SLIT3: variants seen among roughly 807,000 people sequenced by gnomAD.
SLIT3 encodes the protein slit homolog 3 protein.
A neutral mutation model predicts 184.0 loss-of-function variants in SLIT3; 68 were observed. The ratio of observed to expected loss-of-function variants is 0.37; its 90% confidence interval spans 0.30 to 0.45. The LOEUF (loss-of-function observed/expected upper bound fraction) is 0.45, where lower values mean the gene tolerates loss of function less well. SLIT3 is among the 20% of genes least tolerant of loss of function. SLIT3 has a pLI of 1.00. For missense variants in SLIT3, 1,707 were observed against 2,026.0 expected (o/e 0.84, Z 3.02); for synonymous variants, 831 against 828.6 (o/e 1.00, Z -0.05).
chr5:168,719,381 G>A (rs1459927842), intron 23 of SLIT3, among the ~76,000 whole-genome samples: 1 of 152,142 alleles, frequency 6.6e-6, no homozygotes, highest in Non-Finnish European at 1.5e-5. Context: ...GCCTTCATTT[G>A]TTATAGAAAT....
chr5:168,797,256 G>A (rs1235015267), intron 9 of SLIT3, among the ~76,000 whole-genome samples: 1 of 152,134 alleles, frequency 6.6e-6, no homozygotes, highest in African/African-American at 2.4e-5. Context: ...TGAGCATAGA[G>A]TTCAGCAGAG....
chr5:169,030,987 A>G (rs1008732506), intron 4 of SLIT3, among the ~76,000 whole-genome samples: 31 of 152,332 alleles, frequency 2.0e-4, no homozygotes, highest in African/African-American at 7.5e-4. Context: ...GGCTCAGGGT[A>G]TTCTACCACT....
chr5:168,789,248 T>TGTGGGGTGGGAGGGGGAC (rs1310503502), intron 11 of SLIT3, among the ~76,000 whole-genome samples: 1 of 5,524 alleles, frequency 1.8e-4, no homozygotes, highest in African/African-American at 7.6e-4. Context: ...TGCGGTGGCA[T>TGTGGGGTGGGAGGGGGAC]GTGGGGTGGG....
chr5:168,771,067 T>G (rs548734383), intron 14 of SLIT3, among the ~76,000 whole-genome samples: 2 of 152,302 alleles, frequency 1.3e-5, no homozygotes, highest in East Asian at 3.9e-4. Flanking sequence ...GGGTCAAGGT[T>G]GGCAGATAAT....
chr5:168,694,519 G>A (rs145092378), intron 28 of SLIT3, among the ~76,000 whole-genome samples: 4 of 152,320 alleles, frequency 2.6e-5, no homozygotes, highest in Non-Finnish European at 5.9e-5. Context: ...CTACAATTCC[G>A]CTCTCAGAAG....
chr5:169,023,852 G>A (rs1756701846), intron 4 of SLIT3: 1 of 152,134 alleles, frequency 6.6e-6, no homozygotes, highest in Admixed American at 6.5e-5. Flanking sequence ...CTGGTATTAT[G>A]AAGTCAGATG....
intron 1 of SLIT3, among the ~76,000 whole-genome samples, chr5:169,277,580 A>G (rs1766852953): frequency 6.6e-6 from 1 of 152,242 alleles, no homozygotes; most frequent in African/African-American, 2.4e-5. Flanking sequence ...TGCATGTATC[A>G]GAACTCCATT....
intron 4 of SLIT3, among the ~76,000 whole-genome samples, chr5:169,175,137 T>G (rs773148067): frequency 6.6e-6 from 1 of 152,148 alleles, no homozygotes; most frequent in Non-Finnish European, 1.5e-5. Flanking sequence ...GTCTTAGTCA[T>G]GGGAAGAAGG....
At chr5:168,751,591 C>T (rs865993705) in intron 18 of SLIT3, among the ~76,000 whole-genome samples, 2 of 152,196 alleles carry the variant, frequency 1.3e-5, no homozygotes, top group Non-Finnish European at 2.9e-5. Context: ...AAATTTGGCT[C>T]TAGAGTCTTA....
intron 4 of SLIT3, among the ~76,000 whole-genome samples, chr5:169,173,417 G>A (rs1053803710): frequency 1.3e-5 from 2 of 152,190 alleles, no homozygotes; most frequent in Non-Finnish European, 2.9e-5. Context: ...GTGAAAGCGG[G>A]AGGAGAAGGA....
At chr5:169,036,856 C>T (rs893645703) in intron 4 of SLIT3, among the ~76,000 whole-genome samples, 7 of 152,166 alleles carry the variant, frequency 4.6e-5, no homozygotes, top group African/African-American at 1.4e-4. Context: ...TCTTCCGGGA[C>T]CAGAGAGCAA....
At chr5:168,970,291 T>C (rs1754526136) in intron 4 of SLIT3, among the ~76,000 whole-genome samples, 1 of 149,716 alleles carries the variant, frequency 6.7e-6, no homozygotes, top group African/African-American at 2.5e-5. Context: ...AAGTCAGGAG[T>C]TCAAGACCAG....
chr5:168,678,458 C>T (rs544395547), intron 32 of SLIT3, among the ~76,000 whole-genome samples: 4 of 152,138 alleles, frequency 2.6e-5, no homozygotes, highest in East Asian at 1.9e-4. Flanking sequence ...CCGAGGCGGG[C>T]GGATCACAAG....
intron 4 of SLIT3, among the ~76,000 whole-genome samples, chr5:169,098,366 T>C (rs531222451): frequency 6.6e-6 from 1 of 152,322 alleles, no homozygotes; most frequent in Admixed American, 6.5e-5. Flanking sequence ...AGCACATTTT[T>C]GGCCTAGATG....
intron 4 of SLIT3, among the ~76,000 whole-genome samples, chr5:168,930,401 G>A (rs1761949145): frequency 6.6e-6 from 1 of 152,152 alleles, no homozygotes; most frequent in Non-Finnish European, 1.5e-5. Context: ...CATGCTGAAT[G>A]GTTTGCTGTT....
intron 3 of SLIT3, among the ~76,000 whole-genome samples, chr5:169,211,128 C>G (rs1283549256): frequency 6.6e-6 from 1 of 152,184 alleles, no homozygotes; most frequent in African/African-American, 2.4e-5. Context: ...CCAAACCCAA[C>G]TGAGCCCAGC....
At chr5:168,844,394 A>G (rs1758377417) in intron 6 of SLIT3, among the ~76,000 whole-genome samples, 190 bp downstream of exon 6, 1 of 152,134 alleles carries the variant, frequency 6.6e-6, no homozygotes, top group African/African-American at 2.4e-5. Flanking sequence ...GCTGCCTGCA[A>G]ACACTTTGAC....
At position 168,903,974 on chromosome 5, in the gene SLIT3, T is replaced by C. The variant is rs965282894; in HGVS notation, c.414-20638A>G. On this transcript the variant is annotated intron_variant, in intron 4 of 35. Transcript: ENST00000519560. The stretch of plus-strand genomic sequence containing the variant: ...CTGAGTTTGTTGAACCCCAGTAGCT[T>C]AGAGCACTTTGATGTATTTTGGACC... Among the ~76,000 whole-genome samples, 3 of 152,020 alleles carry C rather than the reference T, an allele frequency of 2.0e-5. No individual in the cohort carries two copies. In the South Asian group the frequency reaches 6.2e-4, roughly 32 times the overall value.
chr5:168,884,549 G>GAGAGATAT (rs1260481453), intron 4 of SLIT3, among the ~76,000 whole-genome samples: 1 of 41,138 alleles, frequency 2.4e-5, no homozygotes, highest in African/African-American at 1.1e-4. Context: ...CCAATTACGA[G>GAGAGATAT]ATATATATAT....
Sources: gnomAD v4.1 joint callset for allele counts (sites outside exome capture counted in the v4.1 genomes callset) on GRCh38, gnomAD v4.1.1 for gene constraint, MANE v1.5 for transcripts, NCBI Gene and HGNC (gene_info 2026-07-23, HGNC 2026-07-21) for gene names.